TRAF3: variants seen among roughly 807,000 people sequenced by gnomAD.
The protein encoded by TRAF3 is TNF receptor associated factor 3.
A neutral mutation model predicts 62.3 loss-of-function variants in TRAF3; 13 were observed. The observed-to-expected ratio is 0.21, with a 90% CI of 0.14 to 0.33. The LOEUF is 0.33. TRAF3 is among the 10% of genes least tolerant of loss of function. The pLI, the probability that TRAF3 is intolerant of heterozygous loss-of-function variation, is 1.00. For synonymous variants in TRAF3, 269 were observed against 283.4 expected, an observed-to-expected ratio of 0.95 and a Z score of 0.51; for missense variants, 440 against 741.8, an observed-to-expected ratio of 0.59 and a Z score of 4.73.
intron 7 of TRAF3, among the ~76,000 whole-genome samples, chr14:102,886,553 C>G (rs911130457): frequency 6.6e-6 from 1 of 152,082 alleles, no homozygotes. Context: ...GTCAGGAGTT[C>G]AGAACCAGAC....
intron 2 of TRAF3, among the ~76,000 whole-genome samples, chr14:102,837,873 T>C (rs985043123): frequency 6.6e-6 from 1 of 152,212 alleles, no homozygotes; most frequent in Non-Finnish European, 1.5e-5. Context: ...AGTTGTTTGA[T>C]GTAATTGTTT....
chr14:102,843,572 A>G (rs1233534765), intron 2 of TRAF3, among the ~76,000 whole-genome samples: 6 of 152,184 alleles, frequency 3.9e-5, no homozygotes, highest in African/African-American at 1.4e-4. Flanking sequence ...TCCTGATTTC[A>G]AGCAATCCAC....
intron 2 of TRAF3, among the ~76,000 whole-genome samples, chr14:102,858,254 C>T (rs535453855): frequency 9.2e-5 from 14 of 151,988 alleles, no homozygotes; most frequent in East Asian, 3.9e-4. Flanking sequence ...TAGGTTTAAG[C>T]GATTCTCCTG....
intron 8 of TRAF3, among the ~76,000 whole-genome samples, chr14:102,890,104 G>A (rs1243598812): frequency 1.3e-5 from 2 of 152,222 alleles, no homozygotes; most frequent in African/African-American, 4.8e-5. Flanking sequence ...CCCAACGGGG[G>A]ACAGACGCAA....
intron 4 of TRAF3, among the ~76,000 whole-genome samples, chr14:102,872,752 C>T (rs1010474029): frequency 6.6e-6 from 1 of 151,542 alleles, no homozygotes; most frequent in Non-Finnish European, 1.5e-5. Flanking sequence ...AGCACAATGG[C>T]ACGATCTTGG....
At chr14:102,886,927 A>G (rs1889426308) in intron 7 of TRAF3, among the ~76,000 whole-genome samples, 1 of 152,120 alleles carries the variant, frequency 6.6e-6, no homozygotes, top group Non-Finnish European at 1.5e-5. Flanking sequence ...CAAGAACATG[A>G]ATTAACTTAG....
intron 1 of TRAF3, among the ~76,000 whole-genome samples, chr14:102,819,297 T>C (rs1416003486): frequency 6.6e-6 from 1 of 152,110 alleles, no homozygotes; most frequent in Admixed American, 6.5e-5. Flanking sequence ...CTCGGGCCCT[T>C]CCTGAGTGTT....
chr14:102,873,580 C>T (rs1051536693), intron 4 of TRAF3, among the ~76,000 whole-genome samples: 1 of 152,108 alleles, frequency 6.6e-6, no homozygotes, highest in Non-Finnish European at 1.5e-5. Flanking sequence ...AGTTGTGGAC[C>T]CTCATGGAGA....
intron 1 of TRAF3, among the ~76,000 whole-genome samples, chr14:102,820,072 GCTGGGAGGGCACTC>G (rs1366347782): frequency 1.3e-5 from 2 of 152,210 alleles, no homozygotes; most frequent in Non-Finnish European, 2.9e-5. Flanking sequence ...GTGAGCCCAT[GCTGGGAGGGCACTC>G]CCGGCAGGTC....
At chr14:102,844,626 A>G (rs1468420376) in intron 2 of TRAF3, among the ~76,000 whole-genome samples, 2 of 152,256 alleles carry the variant, frequency 1.3e-5, no homozygotes, top group Non-Finnish European at 2.9e-5. Context: ...ATCAGGGTGC[A>G]GGAACCATGG....
intron 1 of TRAF3, among the ~76,000 whole-genome samples, chr14:102,803,096 C>G (rs923949554): frequency 1.3e-5 from 2 of 152,172 alleles, no homozygotes; most frequent in African/African-American, 4.8e-5. Flanking sequence ...TACCTCCCCC[C>G]AGGTCCCTCC....
chr14:102,842,464 C>T lies in TRAF3; in HGVS notation c.-18+11992C>T, dbSNP rs187191015. On this transcript the variant is annotated intron_variant, in intron 2 of 11. Coordinates refer to ENST00000392745, the MANE Select transcript of TRAF3 (RefSeq NM_145725.3). The stretch of plus-strand genomic sequence containing the variant: ...AGCACAGCACAGAGAATCCAGACTG[C>T]GCGAGATCACAGAGCATCAGCAGCC... Among the ~76,000 whole-genome samples, 23 of 151,898 alleles carry T rather than the reference C, an allele frequency of 1.5e-4. No homozygotes were observed. The East Asian group carries it at 3.9e-3, about 26-fold the overall frequency.
intron 1 of TRAF3, among the ~76,000 whole-genome samples, chr14:102,823,851 A>G (rs1055613564): frequency 7.3e-5 from 11 of 151,536 alleles, no homozygotes; most frequent in African/African-American, 2.7e-4. Flanking sequence ...TTCTATGGAA[A>G]TGCGGTTGAC....
chr14:102,800,092 A>G (rs561973431), intron 1 of TRAF3, among the ~76,000 whole-genome samples: 1 of 152,296 alleles, frequency 6.6e-6, no homozygotes, highest in African/African-American at 2.4e-5. Context: ...ATTTCTCTTA[A>G]TGGGCTATTA....
intron 7 of TRAF3, among the ~76,000 whole-genome samples, chr14:102,887,382 CAG>C (rs1889455264): frequency 6.6e-6 from 1 of 152,188 alleles, no homozygotes. Flanking sequence ...GCCAGGGACT[CAG>C]GGTAGAGGAG....
chr14:102,885,414 C>T (rs753973698), intron 6 of TRAF3, among the ~76,000 whole-genome samples: 1 of 152,178 alleles, frequency 6.6e-6, no homozygotes, highest in Non-Finnish European at 1.5e-5. Context: ...GACTGTTCAG[C>T]GTGGCTCCAT....
chr14:102,815,922 A>T (rs760728051), intron 1 of TRAF3, among the ~76,000 whole-genome samples: 6 of 152,036 alleles, frequency 3.9e-5, no homozygotes, highest in African/African-American at 4.8e-5. Context: ...TAATCCAATC[A>T]CTTCCTTCCC....
intron 1 of TRAF3, among the ~76,000 whole-genome samples, chr14:102,809,706 A>G (rs1309022278): frequency 6.6e-6 from 1 of 150,762 alleles, no homozygotes; most frequent in African/African-American, 2.4e-5. Context: ...AATTTTTTGT[A>G]TTTTTAGTAG....
At chr14:102,891,795 C>T (rs1889731954) in intron 9 of TRAF3, among the ~76,000 whole-genome samples, 2 of 152,036 alleles carry the variant, frequency 1.3e-5, no homozygotes, top group Admixed American at 1.3e-4. Flanking sequence ...TCGAAAGCAG[C>T]AGAGTTAAGA....
Sources: gnomAD v4.1 joint callset for allele counts (sites outside exome capture counted in the v4.1 genomes callset) on GRCh38, gnomAD v4.1.1 for gene constraint, MANE v1.5 for transcripts, NCBI Gene and HGNC (gene_info 2026-07-23, HGNC 2026-07-21) for gene names.